The following FRMD4A variants were observed in gnomAD, a reference collection of about 807,000 sequenced individuals.
FRMD4A encodes FERM domain-containing protein 4A.
In FRMD4A, 29 loss-of-function variants were observed where a neutral mutation model predicts 129.1. The observed-to-expected ratio is 0.22, with a 90% CI of 0.17 to 0.31. The LOEUF (loss-of-function observed/expected upper bound fraction) is 0.31, where lower values mean the gene tolerates loss of function less well. FRMD4A is among the 10% of genes least tolerant of loss of function. The pLI is 1.00. For missense variants in FRMD4A, 1,272 were observed against 1,375.8 expected (o/e 0.92, Z 1.19); for synonymous variants, 634 against 571.6 (o/e 1.11, Z -1.56).
At position 14,006,793 on chromosome 10, in the gene FRMD4A, A is replaced by G. The variant is rs117647387; in HGVS notation, c.46-147881T>C. On this transcript the variant is annotated intron_variant, in intron 2 of 24. Transcript: ENST00000357447. ...TGATCAATGTGTAAATTTTGCTGTC[A>G]CTGATGGCCTAAGATCTAAGCTATT... 9.3e-4 allele frequency among the ~76,000 whole-genome samples: 141 copies of G among 152,354 alleles called. 1 individual carries two copies. In the East Asian group the frequency reaches 0.026, roughly 28 times the overall value.
intron 2 of FRMD4A, among the ~76,000 whole-genome samples, chr10:13,993,802 A>G (rs776715783): frequency 3.3e-5 from 5 of 151,586 alleles, no homozygotes; most frequent in Non-Finnish European, 7.4e-5. Context: ...AATGTATTCA[A>G]ATATATTTTA....
At chr10:13,734,849 T>C (rs962688003) in intron 12 of FRMD4A, among the ~76,000 whole-genome samples, 5 of 33,160 alleles carry the variant, frequency 1.5e-4, no homozygotes, top group Admixed American at 4.2e-4. Flanking sequence ...TCTATTTATT[T>C]ATTTATTTAT....
chr10:14,074,119 T>TAA (rs1238974233), intron 2 of FRMD4A, among the ~76,000 whole-genome samples: 63 of 151,846 alleles, frequency 4.1e-4, no homozygotes, highest in Non-Finnish European at 6.5e-4. Flanking sequence ...AAAAAAAATT[T>TAA]TTTTTGTTTC....
In FRMD4A at chr10:14,111,674, T is replaced by C. The variant is rs549621861; in HGVS notation, c.45+218384A>G. Among the ~76,000 whole-genome samples the C allele has an allele frequency of 3.2e-4, 48 of 152,192 alleles. No homozygotes were observed. The East Asian group carries it at 6.4e-3, about 20-fold the overall frequency. On this transcript the variant is annotated intron_variant, in intron 2 of 24. Coordinates refer to ENST00000357447, the MANE Select transcript of FRMD4A (RefSeq NM_018027.5). Reference sequence around the variant, plus strand: ...TATGAAACCTACCTACTATGGGCAATGCATTACGTCATGTACCAAAAAGAA... The same window carrying C: ...TATGAAACCTACCTACTATGGGCAACGCATTACGTCATGTACCAAAAAGAA...
chr10:14,067,300 A>G (rs573397690), intron 2 of FRMD4A, among the ~76,000 whole-genome samples: 76 of 152,166 alleles, frequency 5.0e-4, no homozygotes, highest in African/African-American at 1.6e-3. Context: ...TGGGCGACAG[A>G]GAGAGAGACT....
chr10:13,673,577 C>T (rs1401938271), intron 16 of FRMD4A, among the ~76,000 whole-genome samples: 2 of 148,080 alleles, frequency 1.4e-5, no homozygotes, highest in East Asian at 1.9e-4. Context: ...CATGTGCATG[C>T]GTGCGCGCGC....
intron 2 of FRMD4A, among the ~76,000 whole-genome samples, chr10:14,196,943 T>C (rs1000873954): frequency 3.9e-5 from 6 of 152,062 alleles, no homozygotes; most frequent in Non-Finnish European, 5.9e-5. Context: ...CTGTCTAGGG[T>C]CCATGCAATG....
intron 2 of FRMD4A, among the ~76,000 whole-genome samples, chr10:13,962,571 C>G (rs2095452742): frequency 6.6e-6 from 1 of 152,136 alleles, no homozygotes; most frequent in South Asian, 2.1e-4. Context: ...CAATTCGATT[C>G]CTGATCATCT....
At chr10:13,971,217 G>A (rs900630114) in intron 2 of FRMD4A, among the ~76,000 whole-genome samples, 3 of 152,148 alleles carry the variant, frequency 2.0e-5, no homozygotes, top group African/African-American at 4.8e-5. Flanking sequence ...ATGCACGCAC[G>A]GTTTGATAAA....
intron 2 of FRMD4A, among the ~76,000 whole-genome samples, chr10:14,245,155 C>T (rs576402843): frequency 3.0e-4 from 46 of 152,252 alleles, no homozygotes; most frequent in African/African-American, 1.1e-3. Flanking sequence ...ACGCTTGGGT[C>T]CCCAGGAGCA....
chr10:14,082,321 C>G (rs140136034), intron 2 of FRMD4A, among the ~76,000 whole-genome samples: 2 of 152,250 alleles, frequency 1.3e-5, no homozygotes, highest in Admixed American at 1.3e-4. Flanking sequence ...GATGTGGAAT[C>G]TCTGTTGAAA....
At chr10:14,123,465 A>T (rs1838652197) in intron 2 of FRMD4A, among the ~76,000 whole-genome samples, 1 of 152,222 alleles carries the variant, frequency 6.6e-6, no homozygotes, top group Non-Finnish European at 1.5e-5. Context: ...ACATGGGGCC[A>T]GAAAACTCCT....
At chr10:14,051,902 A>T (rs1189598858) in intron 2 of FRMD4A, among the ~76,000 whole-genome samples, 1 of 152,196 alleles carries the variant, frequency 6.6e-6, no homozygotes, top group Non-Finnish European at 1.5e-5. Flanking sequence ...TCTCACCCTC[A>T]ATTAATGTCC....
intron 2 of FRMD4A, among the ~76,000 whole-genome samples, chr10:14,136,412 C>T (rs1287524197): frequency 6.6e-6 from 1 of 152,150 alleles, no homozygotes; most frequent in Non-Finnish European, 1.5e-5. Flanking sequence ...GGTAGCTTAT[C>T]TTCACAGGGA....
rs189004067 is a variant in FRMD4A at position 13,848,841 on chromosome 10, C to T, written c.111+10006G>A. ...TCCTCCCTCCTTACCAAGGGGGAAA[C>T]GACTTAGCTGCTTGTGCTCCCCAAG... On this transcript the variant is annotated intron_variant, in intron 3 of 24. Coordinates refer to ENST00000357447, the MANE Select transcript of FRMD4A (RefSeq NM_018027.5). 3.0e-3 allele frequency among the ~76,000 whole-genome samples: 456 copies of T among 152,230 alleles called. 10 individuals are homozygous for T. The highest frequency in any genetic ancestry group is 4.1e-3 in the East Asian group (21 of 5,184).
intron 2 of FRMD4A, among the ~76,000 whole-genome samples, chr10:14,257,095 A>G (rs1717515): frequency 0.28 from 42,426 of 152,000 alleles, 7,363 homozygotes; most frequent in African/African-American, 0.49. Flanking sequence ...TTGGGAGGCC[A>G]AGGATGGGAT....
chr10:14,224,943 TAC>T (rs1457936063), intron 2 of FRMD4A, among the ~76,000 whole-genome samples: 1 of 152,096 alleles, frequency 6.6e-6, no homozygotes, highest in Admixed American at 6.6e-5. Flanking sequence ...CTCAAAGAAA[TAC>T]AATGGCAAAT....
intron 3 of FRMD4A, among the ~76,000 whole-genome samples, chr10:13,827,137 G>T (rs1459133776): frequency 6.6e-6 from 1 of 152,206 alleles, no homozygotes; most frequent in Non-Finnish European, 1.5e-5. Flanking sequence ...CTACTGCAGG[G>T]CACAGAATTG....
intron 6 of FRMD4A, among the ~76,000 whole-genome samples, chr10:13,764,506 TAAACAAACAAAC>T (rs74976375): frequency 1.3e-5 from 2 of 149,668 alleles, no homozygotes; most frequent in Non-Finnish European, 3.0e-5. Flanking sequence ...CTGCCTCAAA[TAAACAAACAAAC>T]AAACAAACAA....
Sources: gnomAD v4.1 joint callset for allele counts (sites outside exome capture counted in the v4.1 genomes callset) on GRCh38, gnomAD v4.1.1 for gene constraint, MANE v1.5 for transcripts, NCBI Gene and HGNC (gene_info 2026-07-23, HGNC 2026-07-21) for gene names.